MBNL1: variants seen among roughly 807,000 people sequenced by gnomAD.
The protein encoded by MBNL1 is muscleblind like splicing regulator 1, also known as muscleblind-like protein 1.
MBNL1 carries 8 observed loss-of-function variants against 42.2 expected under a neutral mutation model. The ratio of observed to expected loss-of-function variants is 0.19; its 90% CI spans 0.11 to 0.34. The LOEUF is 0.34. Ranked by LOEUF, MBNL1 falls within the 10% of genes least tolerant of loss-of-function variation. The pLI is 1.00. For synonymous variants in MBNL1, 169 were observed against 173.9 expected (o/e 0.97, Z 0.22); for missense variants, 309 against 495.3 (o/e 0.62, Z 3.57).
intron 2 of MBNL1, chr3:152,396,042 A>T: frequency 6.2e-6 from 1 of 162,292 alleles, no homozygotes; most frequent in Non-Finnish European, 1.3e-5. Context: ...GATCAGTGAC[A>T]ACGTGTTGGA....
At chr3:152,251,800 G>T (rs1404715942) in intron 2 of MBNL1, among the ~76,000 whole-genome samples, 1 of 151,910 alleles carries the variant, frequency 6.6e-6, no homozygotes, top group Non-Finnish European at 1.5e-5. Flanking sequence ...GGTGTTGTCT[G>T]ATTTCTCTAT....
intron 2 of MBNL1, among the ~76,000 whole-genome samples, chr3:152,354,646 GA>G (rs542740520): frequency 1.6e-3 from 223 of 142,246 alleles, no homozygotes; most frequent in East Asian, 3.8e-3. Context: ...TTTACTATAT[GA>G]AAAAAAAAAA....
chr3:152,392,824 G>A (rs1467607089), intron 2 of MBNL1, among the ~76,000 whole-genome samples: 1 of 152,106 alleles, frequency 6.6e-6, no homozygotes, highest in African/African-American at 2.4e-5. Flanking sequence ...GTAATGTCAG[G>A]GAAACTTTAT....
At chr3:152,302,541 A>G (rs1434266796) in intron 2 of MBNL1, 3 of 152,168 alleles carry the variant, frequency 2.0e-5, no homozygotes, top group Non-Finnish European at 4.4e-5. Context: ...TTCTTTGTAC[A>G]GTATTTAGAA....
At chr3:152,393,427 A>G (rs17436300) in intron 2 of MBNL1, among the ~76,000 whole-genome samples, 10,842 of 152,284 alleles carry the variant, frequency 0.071, 512 homozygotes, top group Middle Eastern at 0.16. Context: ...CATTGAATCT[A>G]CCCAAGAATA....
chr3:152,340,824 G>C, intron 2 of MBNL1: 1 of 1,613,912 alleles, frequency 6.2e-7, no homozygotes, highest in Non-Finnish European at 8.5e-7. Flanking sequence ...CATAACCACT[G>C]ATCCCACCTA....
At chr3:152,317,319 C>A (rs927991898) in intron 2 of MBNL1, among the ~76,000 whole-genome samples, 5 of 151,984 alleles carry the variant, frequency 3.3e-5, no homozygotes, top group African/African-American at 1.2e-4. Context: ...ATTATTTATT[C>A]CTTTAAAAAA....
intron 2 of MBNL1, among the ~76,000 whole-genome samples, chr3:152,312,064 C>A (rs1040321252): frequency 6.7e-6 from 1 of 150,342 alleles, no homozygotes; most frequent in Non-Finnish European, 1.5e-5. Flanking sequence ...TAGTGGCGGG[C>A]GCCTGTAGTC....
chr3:152,406,098 T>C (rs1322716540), intron 2 of MBNL1, among the ~76,000 whole-genome samples: 1 of 152,178 alleles, frequency 6.6e-6, no homozygotes, highest in Non-Finnish European at 1.5e-5. Context: ...CACAAGGTCA[T>C]AGAGACTCTG....
At chr3:152,323,356 A>G (rs1045088187) in intron 2 of MBNL1, among the ~76,000 whole-genome samples, 2 of 152,136 alleles carry the variant, frequency 1.3e-5, no homozygotes, top group South Asian at 4.1e-4. Context: ...TTAAAGAAAT[A>G]GTGTAAACAT....
intron 2 of MBNL1, among the ~76,000 whole-genome samples, chr3:152,330,642 A>G (rs144705667): frequency 1.8e-3 from 279 of 152,278 alleles, no homozygotes; most frequent in Admixed American, 4.3e-3. Flanking sequence ...CTTATCTGCA[A>G]TTTCACTTTC....
chr3:152,293,204 G>A (rs994718556), intron 1 of MBNL1, among the ~76,000 whole-genome samples: 2 of 152,112 alleles, frequency 1.3e-5, no homozygotes, highest in Non-Finnish European at 2.9e-5. Flanking sequence ...AATTGCCATG[G>A]GTACTGCTGG....
At chr3:152,270,381 C>T (rs1187153861) in intron 1 of MBNL1, among the ~76,000 whole-genome samples, 1 of 152,128 alleles carries the variant, frequency 6.6e-6, no homozygotes, top group Non-Finnish European at 1.5e-5. Flanking sequence ...CACCGGTGGA[C>T]ACTATGTCCC....
At chr3:152,350,782 C>T (rs2094877648) in intron 2 of MBNL1, among the ~76,000 whole-genome samples, 1 of 152,036 alleles carries the variant, frequency 6.6e-6, no homozygotes, top group South Asian at 2.1e-4. Flanking sequence ...GGTTCCATGC[C>T]TTGGGTCCAC....
intron 3 of MBNL1, among the ~76,000 whole-genome samples, chr3:152,421,672 A>G (rs2098807228): frequency 6.6e-6 from 1 of 152,202 alleles, no homozygotes; most frequent in Non-Finnish European, 1.5e-5. Flanking sequence ...AATGAAGGAA[A>G]AATGTTAAGG....
At chr3:152,443,792 C>G (rs1421893927) in intron 4 of MBNL1, among the ~76,000 whole-genome samples, 1 of 151,964 alleles carries the variant, frequency 6.6e-6, no homozygotes, top group Non-Finnish European at 1.5e-5. Context: ...TTTTTGTGAT[C>G]TTAATAACTG....
intron 2 of MBNL1, among the ~76,000 whole-genome samples, chr3:152,371,525 A>G (rs904586745): frequency 6.6e-6 from 1 of 152,136 alleles, no homozygotes; most frequent in African/African-American, 2.4e-5. Flanking sequence ...TGAACCCAGG[A>G]GGTCAGGTTG....
At chr3:152,407,559 A>G (rs1470984789) in intron 2 of MBNL1, among the ~76,000 whole-genome samples, 1 of 152,162 alleles carries the variant, frequency 6.6e-6, no homozygotes, top group Non-Finnish European at 1.5e-5. Flanking sequence ...GCCTTTAAAG[A>G]TGGTAAAACT....
intron 6 of MBNL1, 122 bp from the exon 7 acceptor site, chr3:152,455,420 G>A: frequency 3.9e-6 from 3 of 771,214 alleles, no homozygotes; most frequent in Non-Finnish European, 7.0e-6. Flanking sequence ...ACATGCCACT[G>A]TTCCCATAAT....
Sources: allele counts gnomAD v4.1 joint callset (sites outside exome capture counted in the v4.1 genomes callset), GRCh38; gene constraint gnomAD v4.1.1; transcripts MANE v1.5; gene names NCBI Gene and HGNC (gene_info 2026-07-23, HGNC 2026-07-21).